The following C1orf87 variants were observed in gnomAD, a reference collection of about 807,000 sequenced individuals.
C1orf87 encodes chromosome 1 open reading frame 87, also known as uncharacterized protein C1orf87.
A neutral mutation model predicts 60.5 loss-of-function variants in C1orf87; 58 were observed. That is an observed-to-expected ratio of 0.96 (90% CI 0.78 to 1.19). C1orf87 has a LOEUF of 1.19. Among genes scored for constraint, C1orf87 ranks in the 50% most tolerant of loss-of-function variants. C1orf87 has a pLI of 0.00. For missense variants in C1orf87, 673 were observed against 638.6 expected (o/e 1.05, Z -0.58); for synonymous variants, 236 against 227.4 (o/e 1.04, Z -0.34).
intron 7 of C1orf87, among the ~76,000 whole-genome samples, chr1:60,027,800 T>C (rs927175226): frequency 2.0e-5 from 3 of 152,114 alleles, no homozygotes; most frequent in African/African-American, 7.2e-5. Flanking sequence ...CATTCCAGGC[T>C]GAGGAAAAGC....
intron 10 of C1orf87, among the ~76,000 whole-genome samples, chr1:59,998,874 T>G (rs1302343703): frequency 6.6e-6 from 1 of 152,092 alleles, no homozygotes; most frequent in African/African-American, 2.4e-5. Context: ...GAGTCTCTGG[T>G]TTTAGTTCAT....
At chr1:60,006,536 T>G (rs1382713176) in intron 9 of C1orf87, among the ~76,000 whole-genome samples, 2 of 152,066 alleles carry the variant, frequency 1.3e-5, no homozygotes, top group Non-Finnish European at 2.9e-5. Context: ...CTTACGCTAC[T>G]CCTCATTTCC....
intron 2 of C1orf87, among the ~76,000 whole-genome samples, chr1:60,069,072 T>C (rs561717158): frequency 6.6e-6 from 1 of 152,346 alleles, no homozygotes; most frequent in South Asian, 2.1e-4. Context: ...TGTGCATATA[T>C]AATTTACAGT....
chr1:60,071,656 GA>G (rs1483636626), intron 2 of C1orf87, among the ~76,000 whole-genome samples: 5 of 152,200 alleles, frequency 3.3e-5, no homozygotes, highest in African/African-American at 1.2e-4. Flanking sequence ...CCTACATTCA[GA>G]GATTTTGATT....
At chr1:60,009,636 A>G (rs59660293) in intron 9 of C1orf87, among the ~76,000 whole-genome samples, 9,045 of 148,860 alleles carry the variant, frequency 0.061, 300 homozygotes, top group Admixed American at 0.096. Flanking sequence ...ACACACACAC[A>G]CGCACACACA....
At chr1:60,026,305 A>G (rs1156569005) in intron 7 of C1orf87, among the ~76,000 whole-genome samples, 4 of 152,192 alleles carry the variant, frequency 2.6e-5, no homozygotes, top group Non-Finnish European at 5.9e-5. Context: ...AACCTTTTTT[A>G]GGTCCTACAA....
Position 60,010,443 on chromosome 1 carries a change from C to T in C1orf87, c.1141G>A (p.Val381Ile), listed in dbSNP as rs375939564. Residue 381 changes from valine (V) to isoleucine (I), a missense_variant, in exon 9 of 12, where the codon GTT becomes ATT. By Grantham distance (29) the Val-to-Ile change is conservative. Transcript: ENST00000371201. ...YQNEIKWQNF[V>I]EMLTRASSDL... ...GAAGAAGCTCTGGTCAGCATCTCAA[C>T]AAAATTCTGCCATCTGTGCAAGAAA... 12 of 1,612,096 alleles carry T rather than the reference C, an allele frequency of 7.4e-6. No individual in the cohort carries two copies. Among genetic ancestry groups the T allele is most frequent in the Non-Finnish European group, 1.0e-5 (12 of 1,178,810 alleles).
intron 11 of C1orf87, among the ~76,000 whole-genome samples, chr1:59,992,225 T>A (rs75453396): frequency 3.5e-3 from 115 of 32,656 alleles, no homozygotes; most frequent in African/African-American, 0.014. Flanking sequence ...AGTAGGGGTC[T>A]ATTTATTTAT....
At position 60,046,054 on chromosome 1, in the gene C1orf87, C is replaced by A. The variant is rs192038301; in HGVS notation, c.343-4923G>T. Among the ~76,000 whole-genome samples, 23 of 152,196 alleles carry A rather than the reference C, an allele frequency of 1.5e-4. 1 individual carries two copies. The East Asian group carries it at 4.4e-3, about 29-fold the overall frequency. On this transcript the variant is annotated intron_variant, in intron 3 of 11. Transcript: ENST00000371201. ...TATTGCAATAGGTTAATATCTCTTA[C>A]ACCTTTTAAAATTCCTTCCTTCCTT...
At position 59,997,829 on chromosome 1, in the gene C1orf87, C is replaced by T. The variant is rs200487639; in HGVS notation, c.1273-13G>A. 5.6e-6 allele frequency: 9 copies of T among 1,611,374 alleles called. No individual in the cohort carries two copies. The highest frequency in any genetic ancestry group is 7.6e-6 in the Non-Finnish European group (9 of 1,179,002). On this transcript the variant is annotated splice_polypyrimidine_tract_variant and intron_variant, in intron 10 of 11. Coordinates refer to ENST00000371201, the MANE Select transcript of C1orf87 (RefSeq NM_152377.3). ...CTTCTGGAGTTTTCTACCAAAACAA[C>T]AAAAGCATTGGCAACACATTCACCA...
chr1:60,020,395 T>G (rs111394099), intron 8 of C1orf87, among the ~76,000 whole-genome samples: 4 of 152,294 alleles, frequency 2.6e-5, no homozygotes, highest in African/African-American at 9.6e-5. Context: ...GCCACAGGCA[T>G]TCAATGCAAG....
At chr1:59,992,795 T>C (rs1202117921) in intron 11 of C1orf87, among the ~76,000 whole-genome samples, 1 of 152,234 alleles carries the variant, frequency 6.6e-6, no homozygotes, top group African/African-American at 2.4e-5. Flanking sequence ...TTTTTAACAG[T>C]AGGCCACAAT....
Position 60,040,983 on chromosome 1 carries a change from A to G in C1orf87, c.483+8T>C. 6.3e-7 allele frequency: 1 copy of G among 1,598,602 alleles called. No homozygotes were observed. Among genetic ancestry groups the G allele is most frequent in the South Asian group, 1.1e-5 (1 of 88,786 alleles). ...TAGACACAACTCAACAACTCTTAGT[A>G]TACACACCTCAGGTTGGTCAGAGCT... On this transcript the variant is annotated splice_region_variant and intron_variant, in intron 4 of 11. Transcript: ENST00000371201.
chr1:60,066,139 CTAA>C (rs1484922973), intron 2 of C1orf87, among the ~76,000 whole-genome samples: 7 of 152,294 alleles, frequency 4.6e-5, no homozygotes, highest in Admixed American at 3.9e-4. Flanking sequence ...TACCTGCTGA[CTAA>C]TGAGGTTGGT....
At chr1:60,021,618 A>G (rs1435210244) in intron 8 of C1orf87, among the ~76,000 whole-genome samples, 1 of 152,186 alleles carries the variant, frequency 6.6e-6, no homozygotes, top group East Asian at 1.9e-4. Flanking sequence ...ATTTATTGAG[A>G]ACCTACTATG....
At chr1:59,990,886 C>A in intron 11 of C1orf87, 53 bp from the exon 12 acceptor site, 1 of 1,556,196 alleles carries the variant, frequency 6.4e-7, no homozygotes, top group Non-Finnish European at 8.8e-7. Flanking sequence ...GGAGGGAAAA[C>A]AGAGAAAACT....
chr1:60,053,701 A>G (rs1645431600), intron 3 of C1orf87, among the ~76,000 whole-genome samples: 1 of 152,186 alleles, frequency 6.6e-6, no homozygotes, highest in South Asian at 2.1e-4. Context: ...AGTTTTCTTT[A>G]GTTGATATTT....
chr1:60,069,792 G>T (rs555210931), intron 2 of C1orf87, among the ~76,000 whole-genome samples: 2 of 152,186 alleles, frequency 1.3e-5, no homozygotes, highest in South Asian at 4.2e-4. Flanking sequence ...TTCCTGTGGT[G>T]ATATTCTAAC....
chr1:60,005,371 G>A (rs567701062), intron 9 of C1orf87, among the ~76,000 whole-genome samples: 15 of 152,174 alleles, frequency 9.9e-5, no homozygotes, highest in Non-Finnish European at 2.1e-4. Context: ...TTCATGGAGT[G>A]TGCATTCTGA....
Sources: allele counts gnomAD v4.1 joint callset (sites outside exome capture counted in the v4.1 genomes callset), GRCh38; gene constraint gnomAD v4.1.1; transcripts MANE v1.5; gene names NCBI Gene and HGNC (gene_info 2026-07-23, HGNC 2026-07-21).